ANO3: variants seen among roughly 807,000 people sequenced by gnomAD.
ANO3 encodes the protein anoctamin-3.
In ANO3, 99 loss-of-function variants were observed where a neutral mutation model predicts 144.8. That is an observed-to-expected ratio of 0.68 (90% CI 0.58 to 0.81). The LOEUF (loss-of-function observed/expected upper bound fraction) is 0.81. ANO3 is among the 30% of genes least tolerant of loss of function. The pLI is 0.00. For synonymous variants in ANO3, 414 were observed against 392.6 expected (o/e 1.05, Z -0.64); for missense variants, 905 against 1,202.2 (o/e 0.75, Z 3.66).
intron 26 of ANO3, among the ~76,000 whole-genome samples, chr11:26,657,193 A>G (rs1487012659): frequency 2.0e-5 from 3 of 152,188 alleles, no homozygotes. Context: ...GGTAGCTATG[A>G]CTAAGACTTT....
In ANO3 at chr11:26,643,165, A is replaced by G; in HGVS notation, c.2276-17A>G. 1 of 1,613,020 alleles carries G rather than the reference A, an allele frequency of 6.2e-7. No homozygotes were observed. Among genetic ancestry groups the G allele is most frequent in the Non-Finnish European group, 8.5e-7 (1 of 1,179,552 alleles). ...AGGAAGTTTATATAGTAATTTCCTA[A>G]TGCTCTTCTTTTGCAGTTTTGCAAT... On this transcript the variant is annotated splice_polypyrimidine_tract_variant and intron_variant, in intron 22 of 26. Coordinates refer to ENST00000256737, the MANE Select transcript of ANO3 (RefSeq NM_031418.4).
At chr11:26,619,205 A>T (rs1852344165) in intron 17 of ANO3, among the ~76,000 whole-genome samples, 1 of 152,194 alleles carries the variant, frequency 6.6e-6, no homozygotes, top group Admixed American at 6.5e-5. Flanking sequence ...TATTTTTAAC[A>T]TATTTCAAGT....
At chr11:26,605,470 T>C (rs1851909010) in intron 17 of ANO3, among the ~76,000 whole-genome samples, 1 of 152,216 alleles carries the variant, frequency 6.6e-6, no homozygotes, top group Admixed American at 6.5e-5. Context: ...TCCCTCTTTT[T>C]CTATTGTTTG....
At chr11:26,490,395 A>G (rs1186308444) in intron 4 of ANO3, among the ~76,000 whole-genome samples, 1 of 152,214 alleles carries the variant, frequency 6.6e-6, no homozygotes, top group Non-Finnish European at 1.5e-5. Context: ...TCTTGCAAAC[A>G]TGCACATTAT....
At chr11:26,623,110 A>AT (rs1323085368) in intron 17 of ANO3, among the ~76,000 whole-genome samples, 5 of 152,204 alleles carry the variant, frequency 3.3e-5, no homozygotes, top group African/African-American at 1.2e-4. Context: ...TGTATAGCTA[A>AT]AACAAAGACC....
chr11:26,340,176 G>A (rs1288256741), intron 1 of ANO3, among the ~76,000 whole-genome samples: 1 of 152,118 alleles, frequency 6.6e-6, no homozygotes, highest in Non-Finnish European at 1.5e-5. Flanking sequence ...AACTCCTAAA[G>A]TTGTGTATTT....
chr11:26,425,777 T>C (rs571495321), intron 1 of ANO3, among the ~76,000 whole-genome samples: 1 of 152,288 alleles, frequency 6.6e-6, no homozygotes, highest in Non-Finnish European at 1.5e-5. Flanking sequence ...ATCTCAGTTA[T>C]GTTCACTCTG....
chr11:26,452,405 G>A (rs368548666), intron 3 of ANO3, among the ~76,000 whole-genome samples: 1 of 152,180 alleles, frequency 6.6e-6, no homozygotes, highest in Non-Finnish European at 1.5e-5. Context: ...GGAGCTGAAA[G>A]CCAAGGCTCG....
chr11:26,256,120 A>G (rs1169702843), intron 1 of ANO3, among the ~76,000 whole-genome samples: 1 of 152,198 alleles, frequency 6.6e-6, no homozygotes, highest in Non-Finnish European at 1.5e-5. Flanking sequence ...CATTGGCTAC[A>G]TTCCCTGTAC....
chr11:26,471,364 G>A (rs1182658244), intron 4 of ANO3, among the ~76,000 whole-genome samples: 1 of 151,910 alleles, frequency 6.6e-6, no homozygotes, highest in Non-Finnish European at 1.5e-5. Context: ...TGACCTGTTT[G>A]TAATTTATTC....
At chr11:26,586,651 C>T (rs1258684730) in intron 14 of ANO3, among the ~76,000 whole-genome samples, 4 of 151,360 alleles carry the variant, frequency 2.6e-5, no homozygotes, top group Non-Finnish European at 4.4e-5. Context: ...TACAGGCGCC[C>T]GCCACCACAC....
chr11:26,345,283 G>A (rs951663666), intron 1 of ANO3, among the ~76,000 whole-genome samples: 8 of 152,240 alleles, frequency 5.3e-5, no homozygotes, highest in African/African-American at 9.6e-5. Flanking sequence ...TGCTGGACAC[G>A]GTGGCTTATG....
At chr11:26,233,274 G>C (rs779581080) in intron 1 of ANO3, among the ~76,000 whole-genome samples, 10 of 150,908 alleles carry the variant, frequency 6.6e-5, no homozygotes, top group Non-Finnish European at 8.9e-5. Context: ...CCATCAAAAA[G>C]TGGGCAAAGG....
chr11:26,212,168 T>A (rs1851947851), intron 1 of ANO3, among the ~76,000 whole-genome samples: 1 of 151,826 alleles, frequency 6.6e-6, no homozygotes, highest in South Asian at 2.1e-4. Context: ...GTAACAAAAC[T>A]GCACATTCTG....
chr11:26,565,078 G>C, intron 14 of ANO3: 1 of 1,297,012 alleles, frequency 7.7e-7, no homozygotes, highest in South Asian at 1.8e-5. Flanking sequence ...TGTTTTTCCA[G>C]CATGGTGATT....
intron 1 of ANO3, among the ~76,000 whole-genome samples, chr11:26,211,645 C>T (rs1039879819): frequency 6.6e-6 from 1 of 152,122 alleles, no homozygotes; most frequent in African/African-American, 2.4e-5. Context: ...TTGTAGAAGA[C>T]AGTTTGGCAA....
At chr11:26,653,249 C>T (rs761842355) in intron 24 of ANO3, among the ~76,000 whole-genome samples, 1 of 152,138 alleles carries the variant, frequency 6.6e-6, no homozygotes, top group Non-Finnish European at 1.5e-5. Context: ...CGAATTTCAT[C>T]CAATCCTGCT....
intron 1 of ANO3, among the ~76,000 whole-genome samples, chr11:26,348,998 C>A (rs956890164): frequency 6.6e-6 from 1 of 152,138 alleles, no homozygotes; most frequent in South Asian, 2.1e-4. Flanking sequence ...CATTTCGAAA[C>A]TTGTTACCAG....
At chr11:26,352,371 AT>A (rs1273299244) in intron 1 of ANO3, among the ~76,000 whole-genome samples, 1 of 151,996 alleles carries the variant, frequency 6.6e-6, no homozygotes, top group Admixed American at 6.5e-5. Flanking sequence ...TCTATATTTT[AT>A]TTTTTTATTT....
Sources: allele counts gnomAD v4.1 joint callset (sites outside exome capture counted in the v4.1 genomes callset), GRCh38; gene constraint gnomAD v4.1.1; transcripts MANE v1.5; gene names NCBI Gene and HGNC (gene_info 2026-07-23, HGNC 2026-07-21).